STK3: variants seen among roughly 807,000 people sequenced by gnomAD.
The protein encoded by STK3 is serine/threonine kinase 3.
STK3 carries 41 observed loss-of-function variants against 58.0 expected under a neutral mutation model. That is an observed-to-expected ratio of 0.71 (90% CI 0.55 to 0.92). STK3 has a LOEUF of 0.92. Among genes scored for constraint, STK3 ranks in the 40% least tolerant of loss-of-function variants. STK3 has a pLI of 0.00. For missense variants in STK3, 479 were observed against 602.7 expected, an observed-to-expected ratio of 0.79 and a Z score of 2.15; for synonymous variants, 170 against 191.0, an observed-to-expected ratio of 0.89 and a Z score of 0.91.
chr8:98,428,395 G>C lies in STK3; in HGVS notation n.483+5732C>G. 1.2e-6 allele frequency: 2 copies of C among 1,614,204 alleles called. No individual in the cohort carries two copies. The highest frequency in any genetic ancestry group is 2.2e-5 in the South Asian group (2 of 91,090). On this transcript the variant is annotated intron_variant and non_coding_transcript_variant, in intron 3 of 3. Coordinates refer to the STK3 transcript ENST00000517832. The surrounding 1 kb of genome is among the most constrained non-coding windows in gnomAD (Gnocchi z 6.7). ...GAGCAGGAGAAGTGGGACGAGCAGA[G>C]TGACCAGGAGAGCACCACGTCTTCC...
At chr8:98,456,638 A>G (rs1022169582) in intron 10 of STK3, among the ~76,000 whole-genome samples, 2 of 151,570 alleles carry the variant, frequency 1.3e-5, no homozygotes, top group Non-Finnish European at 2.9e-5. Context: ...TCTTCTTCTT[A>G]TTTTTTTTGA....
intron 6 of STK3, among the ~76,000 whole-genome samples, chr8:98,651,977 G>C (rs887856281): frequency 6.6e-6 from 1 of 151,972 alleles, no homozygotes; most frequent in Non-Finnish European, 1.5e-5. Flanking sequence ...AGGAAATACA[G>C]AGAACGCCAC....
At chr8:98,765,748 A>G (rs1830906425) in intron 3 of STK3, among the ~76,000 whole-genome samples, 1 of 152,234 alleles carries the variant, frequency 6.6e-6, no homozygotes. Context: ...AGACTGAGAC[A>G]TGGCTGTTCC....
At chr8:98,661,724 C>A (rs1563862232) in intron 6 of STK3, among the ~76,000 whole-genome samples, 1 of 152,116 alleles carries the variant, frequency 6.6e-6, no homozygotes, top group Non-Finnish European at 1.5e-5. Context: ...ATAATCTACA[C>A]CCACATTCTC....
At chr8:98,638,827 C>T (rs1032632913) in intron 6 of STK3, among the ~76,000 whole-genome samples, 11 of 152,054 alleles carry the variant, frequency 7.2e-5, no homozygotes, top group Non-Finnish European at 1.6e-4. Context: ...TTTAAAATGT[C>T]AGTTTTACTC....
intron 2 of STK3, among the ~76,000 whole-genome samples, chr8:98,772,708 A>T (rs894647405): frequency 9.2e-5 from 14 of 152,178 alleles, no homozygotes; most frequent in African/African-American, 3.1e-4. Flanking sequence ...AAAAAATTTT[A>T]AAATAAAAAA....
chr8:98,537,271 T>C (rs1027576019), intron 9 of STK3, among the ~76,000 whole-genome samples: 1 of 152,202 alleles, frequency 6.6e-6, no homozygotes. Context: ...TATCTCTTTG[T>C]CATACACACA....
chr8:98,836,462 C>A (rs1309181875), intron 3 of STK3, among the ~76,000 whole-genome samples: 4 of 152,186 alleles, frequency 2.6e-5, no homozygotes, highest in South Asian at 2.1e-4. Context: ...AAAGTCACCA[C>A]CTTCAGGGTT....
rs562449012 is a variant in STK3, at chr8:98,740,245, G to T, written c.351+9031C>A. Among the ~76,000 whole-genome samples, 105 of 152,022 alleles carry T rather than the reference G, an allele frequency of 6.9e-4. 1 individual carries two copies. Among genetic ancestry groups the T allele is most frequent in the Admixed American group, 2.2e-3 (33 of 15,254 alleles). ...TTCAGATTCAGGAAATACAGAGAAC[G>T]CCACAAAGATACTCCTCGAGAAGAG... On this transcript the variant is annotated intron_variant, in intron 4 of 10. Coordinates refer to ENST00000419617, the MANE Select transcript of STK3 (RefSeq NM_006281.4).
rs527826511 is a variant in STK3, at chr8:98,868,343, C to T, written c.110+15304G>A. On this transcript the variant is annotated intron_variant, in intron 3 of 12. Transcript: ENST00000523601. ...ACAGCCGAAGGAGAAAGATCATTAA[C>T]CTTATTGCTGCAATTTCACCACCAC... Among the ~76,000 whole-genome samples, 245 of 152,264 alleles carry T rather than the reference C, an allele frequency of 1.6e-3. 1 individual carries two copies. Among genetic ancestry groups the T allele is most frequent in the Non-Finnish European group, 2.4e-3 (165 of 68,018 alleles).
intron 1 of STK3, among the ~76,000 whole-genome samples, chr8:98,775,514 T>G (rs1294470924): frequency 6.6e-6 from 1 of 152,176 alleles, no homozygotes; most frequent in Non-Finnish European, 1.5e-5. Context: ...CATTACTCAC[T>G]GTGGGTTTTT....
chr8:98,589,397 A>C (rs1372411972), intron 7 of STK3, among the ~76,000 whole-genome samples: 1 of 152,230 alleles, frequency 6.6e-6, no homozygotes, highest in Non-Finnish European at 1.5e-5. Flanking sequence ...GGTGCCTCCC[A>C]GTTAGGCTGC....
chr8:98,708,914 T>C (rs1055293073), intron 4 of STK3, among the ~76,000 whole-genome samples: 1 of 151,796 alleles, frequency 6.6e-6, no homozygotes, highest in African/African-American at 2.4e-5. Context: ...TGACTCTTGG[T>C]GGGAGCCTAG....
chr8:98,546,306 C>T (rs1810694573), intron 9 of STK3, among the ~76,000 whole-genome samples: 1 of 152,080 alleles, frequency 6.6e-6, no homozygotes, highest in Admixed American at 6.6e-5. Context: ...TCGGAAACAT[C>T]ATCATTAGTC....
At chr8:98,803,547 T>A (rs990871210) in intron 1 of STK3, among the ~76,000 whole-genome samples, 1 of 135,776 alleles carries the variant, frequency 7.4e-6, no homozygotes, top group African/African-American at 2.8e-5. Flanking sequence ...TGAGCCAAGA[T>A]CGCGCCACTG....
intron 6 of STK3, among the ~76,000 whole-genome samples, chr8:98,703,899 C>T (rs188303912): frequency 8.5e-5 from 13 of 152,232 alleles, no homozygotes; most frequent in Non-Finnish European, 2.9e-5. Flanking sequence ...CCTCACTATA[C>T]CCCCCACAAA....
chr8:98,397,261 G>T (rs375361222), downstream of STK3, among the ~76,000 whole-genome samples: 13 of 152,350 alleles, frequency 8.5e-5, no homozygotes, highest in African/African-American at 2.6e-4. Flanking sequence ...AAGTGTGGTG[G>T]CTCATGCGTG....
upstream of STK3, among the ~76,000 whole-genome samples, chr8:98,828,897 A>C (rs1305803187): frequency 6.6e-6 from 1 of 152,236 alleles, no homozygotes; most frequent in African/African-American, 2.4e-5. Flanking sequence ...AAGTTGAGCC[A>C]TATCTTTATT....
At chr8:98,355,804 C>T in the STK3 span, among the ~76,000 whole-genome samples, 1 of 152,318 alleles carries the variant, frequency 6.6e-6, no homozygotes, top group Non-Finnish European at 1.5e-5. Context: ...CTTTCCAGCT[C>T]TCTGCTTTCT....
Sources: gnomAD v4.1 joint callset for allele counts (sites outside exome capture counted in the v4.1 genomes callset) on GRCh38, gnomAD v4.1.1 for gene constraint, Gnocchi (gnomAD v3.1) non-coding constraint, MANE v1.5 for transcripts, NCBI Gene and HGNC (gene_info 2026-07-23, HGNC 2026-07-21) for gene names.